ZNF728: variants seen among roughly 807,000 people sequenced by gnomAD.
ZNF728 encodes zinc finger protein 728.
ZNF728 carries 12 observed loss-of-function variants against 12.5 expected under a neutral mutation model. The ratio of observed to expected loss-of-function variants is 0.96; its 90% CI spans 0.61 to 1.55. The LOEUF is 1.55. Among genes scored for constraint, ZNF728 ranks in the 40% most tolerant of loss-of-function variants. The pLI is 0.00. For missense variants in ZNF728, 692 were observed against 719.2 expected (o/e 0.96, Z 0.43); for synonymous variants, 205 against 240.7 (o/e 0.85, Z 1.37).
chr19:22,988,422 T>C lies in ZNF728; in HGVS notation c.33A>G (p.Ile11Met), dbSNP rs774328573. 5.0e-6 allele frequency: 8 copies of C among 1,613,994 alleles called. No individual in the cohort carries two copies. The highest frequency in any genetic ancestry group is 6.8e-6 in the Non-Finnish European group (8 of 1,179,990). ...ATTGCCACTCCTCCAGAGAGAATTGTATGGCCACATCCCGAAATGTCAACG... is the reference window on the plus strand; with the variant it reads ...ATTGCCACTCCTCCAGAGAGAATTGCATGGCCACATCCCGAAATGTCAACG... Reference protein sequence around the residue: MGSLTFRDVAIQFSLEEWQCL... With the variant: MGSLTFRDVAMQFSLEEWQCL... The change falls in exon 2 of 4, where the codon ATA (isoleucine) becomes ATG (methionine). Residue 11 changes from isoleucine (I) to methionine (M), a missense_variant. Transcript: ENST00000594710.
chr19:22,988,778 G>T (rs1002433197), intron 1 of ZNF728, among the ~76,000 whole-genome samples: 1 of 152,132 alleles, frequency 6.6e-6, no homozygotes, highest in South Asian at 2.1e-4. Context: ...TGTGCCAGGC[G>T]TGGTGGCTCA....
At chr19:22,984,427 C>T (rs1968892112) in intron 3 of ZNF728, among the ~76,000 whole-genome samples, 1 of 151,740 alleles carries the variant, frequency 6.6e-6, no homozygotes, top group African/African-American at 2.4e-5. Flanking sequence ...GGCTTGGTGG[C>T]ATGCACCTGT....
At position 22,976,001 on chromosome 19, in the gene ZNF728, G is replaced by A. The variant is rs557869573; in HGVS notation, c.1336C>T (p.His446Tyr). 48 of 1,611,982 alleles carry A rather than the reference G, an allele frequency of 3.0e-5. No homozygotes were observed. In the African/African-American group the frequency reaches 6.4e-4, roughly 22 times the overall value. Residue 446 changes from histidine to tyrosine, a missense_variant, in exon 4 of 4, where the codon CAT becomes TAT. This residue lies in a region of ZNF728 where 244 missense variants were observed against 235.2 expected (regional missense o/e 1.04). Transcript: ENST00000594710. ...FSSLTKHKVIHTGEKHYKCEE... is the reference protein window; with the variant it reads ...FSSLTKHKVIYTGEKHYKCEE... ...CATTTGTAGTGTTTCTCTCCAGTAT[G>A]AATTACTTTATGTTTAGTAAGGCTC...
chr19:22,976,765 T>A lies in ZNF728; in HGVS notation c.572A>T (p.His191Leu). ...SFCMLSHLSQHKRIYTRENSY... is the reference protein window; with the variant it reads ...SFCMLSHLSQLKRIYTRENSY... ...ATTCTCTCTAGTATAAATTCTTTTA[T>A]GTTGAGATAGGTGTGAAAGCATGCA... Residue 191 changes from histidine (H) to leucine (L), a missense_variant, in exon 4 of 4, where the codon CAT becomes CTT. Coordinates refer to ENST00000594710, the MANE Select transcript of ZNF728 (RefSeq NM_001267716.2). The A allele has an allele frequency of 3.1e-6, 5 of 1,613,534 alleles. No homozygotes were observed. The highest frequency in any genetic ancestry group is 4.2e-6 in the Non-Finnish European group (5 of 1,179,904).
intron 3 of ZNF728, among the ~76,000 whole-genome samples, chr19:22,984,052 G>A (rs891589808): frequency 1.3e-5 from 2 of 151,932 alleles, no homozygotes; most frequent in African/African-American, 4.8e-5. Flanking sequence ...CTACTTAAAG[G>A]TGGTATAAAA....
At chr19:23,002,034 G>T (rs917809172) in intron 1 of ZNF728, among the ~76,000 whole-genome samples, 3 of 152,144 alleles carry the variant, frequency 2.0e-5, no homozygotes, top group African/African-American at 7.2e-5. Flanking sequence ...AATCTAATTC[G>T]GCCAGGCGCG....
At position 22,975,302 on chromosome 19, in the gene ZNF728, A is replaced by G. The variant is rs2145329254; in HGVS notation, c.*166T>C. On this transcript the variant is annotated 3_prime_UTR_variant, in exon 4 of 4. Coordinates refer to ENST00000594710, the MANE Select transcript of ZNF728 (RefSeq NM_001267716.2). ...GATTAAAGGCTTTGCCACATTCCAC[A>G]CAATTGTAGGAATTCCCTCCAGTAT... is the stretch of plus-strand genomic sequence containing the variant. Among the ~76,000 whole-genome samples the G allele has an allele frequency of 6.6e-6, 1 of 152,282 alleles. No individual in the cohort carries two copies. Among genetic ancestry groups the G allele is most frequent in the South Asian group, 2.1e-4 (1 of 4,824 alleles).
At chr19:22,999,978 G>A (rs963253296) in intron 1 of ZNF728, among the ~76,000 whole-genome samples, 2 of 152,138 alleles carry the variant, frequency 1.3e-5, no homozygotes, top group Non-Finnish European at 2.9e-5. Flanking sequence ...ATTCTCTACA[G>A]CCGAAATGGA....
At chr19:22,980,036 A>C (rs1412196736) in intron 3 of ZNF728, among the ~76,000 whole-genome samples, 2 of 152,160 alleles carry the variant, frequency 1.3e-5, no homozygotes, top group Admixed American at 6.5e-5. Flanking sequence ...AAATGGGCTA[A>C]ATGCCCCCAA....
chr19:23,002,480 G>A (rs961238006), intron 1 of ZNF728, among the ~76,000 whole-genome samples: 1 of 152,056 alleles, frequency 6.6e-6, no homozygotes, highest in Non-Finnish European at 1.5e-5. Flanking sequence ...ACCAATTATC[G>A]AATTTGGTTT....
At chr19:22,986,364 T>TA (rs977795048) in intron 3 of ZNF728, among the ~76,000 whole-genome samples, 13 of 151,678 alleles carry the variant, frequency 8.6e-5, no homozygotes, top group African/African-American at 1.9e-4. Context: ...GTGTTCTCTA[T>TA]AAAAAAAACC....
chr19:22,977,022 T>G lies in ZNF728; in HGVS notation c.315A>C (p.Lys105Asn). The G allele has an allele frequency of 6.2e-7, 1 of 1,613,400 alleles. No homozygotes were observed. The highest frequency in any genetic ancestry group is 2.2e-5 in the East Asian group (1 of 44,800). Reference protein sequence around the residue: ...FQKVILRRYEKCGHENLQLKI... With the variant: ...FQKVILRRYENCGHENLQLKI... Reference sequence around the variant, plus strand: ...TTAACTGTAAATTCTCATGTCCACATTTTTCATATCTTCTCAATATCACTT... The same window carrying G: ...TTAACTGTAAATTCTCATGTCCACAGTTTTCATATCTTCTCAATATCACTT... The change falls in exon 4 of 4, where the codon AAA (lysine) becomes AAC (asparagine). Residue 105 changes from lysine to asparagine, a missense_variant. Physicochemically the swap from Lys to Asn is moderately conservative, Grantham distance 94. Transcript: ENST00000594710.
chr19:22,996,363 C>A (rs1203662520), intron 1 of ZNF728, among the ~76,000 whole-genome samples: 1 of 152,122 alleles, frequency 6.6e-6, no homozygotes, highest in Non-Finnish European at 1.5e-5. Context: ...ACTGAAGTAA[C>A]CCAAGTACAA....
Position 22,975,770 on chromosome 19 carries a change from G to C in ZNF728, c.1567C>G (p.Leu523Val), listed in dbSNP as rs1271601605. 2 of 1,612,006 alleles carry C rather than the reference G, an allele frequency of 1.2e-6. No homozygotes were observed. The highest frequency in any genetic ancestry group is 1.7e-6 in the Non-Finnish European group (2 of 1,179,902). ...GTATGAATTACCTTATGTTTAGTAAGGTTTGCAACCTTACTGAAGGCTTTG... is the reference window on the plus strand; with the variant it reads ...GTATGAATTACCTTATGTTTAGTAACGTTTGCAACCTTACTGAAGGCTTTG... ...CGKAFSKVANLTKHKVIHTGE... is the reference protein window; with the variant it reads ...CGKAFSKVANVTKHKVIHTGE... Residue 523 changes from leucine (L) to valine (V), a missense_variant, in exon 4 of 4, where the codon CTT becomes GTT. Transcript: ENST00000594710.
At chr19:22,985,489 A>G (rs1370809475) in intron 3 of ZNF728, among the ~76,000 whole-genome samples, 1 of 152,176 alleles carries the variant, frequency 6.6e-6, no homozygotes, top group Non-Finnish European at 1.5e-5. Context: ...GAGAGCTTTG[A>G]GATCCAGGGA....
At chr19:23,000,545 C>A (rs548723225) in intron 1 of ZNF728, among the ~76,000 whole-genome samples, 50 of 152,144 alleles carry the variant, frequency 3.3e-4, no homozygotes, top group African/African-American at 1.2e-3. Context: ...TCAAGCCCTA[C>A]TAATAAAATG....
At chr19:23,001,460 T>G (rs1275854008) in intron 1 of ZNF728, among the ~76,000 whole-genome samples, 1 of 152,340 alleles carries the variant, frequency 6.6e-6, no homozygotes, top group South Asian at 2.1e-4. Flanking sequence ...ATACCTCAGG[T>G]TGTCTTATGG....
chr19:22,976,966 T>G lies in ZNF728; in HGVS notation c.371A>C (p.Lys124Thr). ...CTTATTATAACCTTTTTTGTGCACCTTACACTCATCCACATTGGTACAACC... is the reference window on the plus strand; with the variant it reads ...CTTATTATAACCTTTTTTGTGCACCGTACACTCATCCACATTGGTACAACC... ...KIGCTNVDEC[K>T]VHKKGYNKLN... Residue 124 changes from lysine to threonine, a missense_variant, in exon 4 of 4, where the codon AAG (lysine) becomes ACG (threonine). This residue lies in a region of ZNF728 where 440 missense variants were observed against 459.6 expected (regional missense o/e 0.96). Transcript: ENST00000594710. 6.2e-7 allele frequency: 1 copy of G among 1,613,484 alleles called. No homozygotes were observed. Among genetic ancestry groups the G allele is most frequent in the Middle Eastern group, 1.7e-4 (1 of 6,054 alleles).
intron 1 of ZNF728, among the ~76,000 whole-genome samples, chr19:22,993,186 GA>G (rs1219230803): frequency 6.6e-5 from 10 of 152,176 alleles, no homozygotes; most frequent in Non-Finnish European, 1.5e-4. Flanking sequence ...AAGAAGATGT[GA>G]AAAGGTCAAA....
Sources: allele counts gnomAD v4.1 joint callset (sites outside exome capture counted in the v4.1 genomes callset), GRCh38; gene constraint gnomAD v4.1.1; regional missense constraint gnomAD v4.1.1; transcripts MANE v1.5; gene names NCBI Gene and HGNC (gene_info 2026-07-23, HGNC 2026-07-21).